The following MYH9 variants were observed in gnomAD, a reference collection of about 807,000 sequenced individuals.
The protein encoded by MYH9 is myosin heavy chain 9.
MYH9 carries 29 observed loss-of-function variants against 241.9 expected under a neutral mutation model. That is an observed-to-expected ratio of 0.12 (90% CI 0.09 to 0.16). The LOEUF (loss-of-function observed/expected upper bound fraction) is 0.16. Among genes scored for constraint, MYH9 ranks in the 10% least tolerant of loss-of-function variants. MYH9 has a pLI of 1.00. For missense variants in MYH9, 1,803 were observed against 2,595.5 expected (o/e 0.69, Z 6.63); for synonymous variants, 1,047 against 1,062.6 (o/e 0.99, Z 0.29).
intron 1 of MYH9, among the ~76,000 whole-genome samples, chr22:36,372,711 A>G (rs1053693454): frequency 6.6e-5 from 10 of 152,104 alleles, no homozygotes; most frequent in African/African-American, 2.2e-4. Flanking sequence ...TGCAACACAC[A>G]AGGGCAGCGG....
chr22:36,294,866 T>C, intron 27 of MYH9, 66 bp downstream of exon 27: 1 of 1,599,104 alleles, frequency 6.3e-7, no homozygotes, highest in South Asian at 1.1e-5. Context: ...CAGGACTGGT[T>C]TGGATTCTGT....
chr22:36,357,770 G>T (rs1316077148), intron 1 of MYH9, among the ~76,000 whole-genome samples: 1 of 152,152 alleles, frequency 6.6e-6, no homozygotes, highest in Non-Finnish European at 1.5e-5. Flanking sequence ...ATTATGGATG[G>T]CATTGTCACC....
chr22:36,361,500 A>G (rs557619227), intron 1 of MYH9, among the ~76,000 whole-genome samples: 3 of 152,222 alleles, frequency 2.0e-5, no homozygotes, highest in Non-Finnish European at 4.4e-5. Context: ...ACCAGTACGT[A>G]TTTCAAATCA....
chr22:36,288,182 C>T lies in MYH9; in HGVS notation c.4932+70G>A, dbSNP rs553136068. 8.8e-6 allele frequency: 14 copies of T among 1,596,144 alleles called. No individual in the cohort carries two copies. The South Asian group carries it at 1.4e-4, about 16-fold the overall frequency. Reference sequence around the variant, plus strand: ...CCAGGTTCCCGCCCTGGGCCGAGCCCTGGCACCTTCATATGTAGTTGGCTC... The same window carrying T: ...CCAGGTTCCCGCCCTGGGCCGAGCCTTGGCACCTTCATATGTAGTTGGCTC... On this transcript the variant is annotated intron_variant, in intron 34 of 40. Transcript: ENST00000216181. This position sits in a 1 kb window ranked among gnomAD's most constrained non-coding sequence, Gnocchi z 4.8.
chr22:36,304,902 C>T (rs1249897812), intron 18 of MYH9, 131 bp downstream of exon 18: 10 of 917,792 alleles, frequency 1.1e-5, no homozygotes, highest in Non-Finnish European at 1.6e-5. Context: ...GAGTCAGACG[C>T]GGAGCATCAG....
chr22:36,354,956 A>AACCCAC (rs1556643812), intron 1 of MYH9, among the ~76,000 whole-genome samples: 1 of 123,638 alleles, frequency 8.1e-6, no homozygotes, highest in Non-Finnish European at 1.7e-5. Context: ...CAAAAAACAA[A>AACCCAC]ACACACACAC....
intron 15 of MYH9, among the ~76,000 whole-genome samples, chr22:36,308,654 C>T (rs80084511): frequency 0.033 from 5,040 of 152,152 alleles, 120 homozygotes; most frequent in Non-Finnish European, 0.049. Flanking sequence ...GGGGAACCTG[C>T]CCAGAAGCCC....
intron 1 of MYH9, among the ~76,000 whole-genome samples, chr22:36,363,554 G>C (rs2017967305): frequency 1.3e-5 from 2 of 151,696 alleles, no homozygotes; most frequent in Admixed American, 1.3e-4. Flanking sequence ...ACAGACCTAG[G>C]GCTGGATCTG....
chr22:36,358,799 T>A (rs2017894615), intron 1 of MYH9, among the ~76,000 whole-genome samples: 1 of 152,160 alleles, frequency 6.6e-6, no homozygotes, highest in Admixed American at 6.5e-5. Context: ...ACTCACAAAT[T>A]CAAATTCCTA....
At chr22:36,378,235 C>T (rs1010658390) in intron 1 of MYH9, among the ~76,000 whole-genome samples, 1 of 151,948 alleles carries the variant, frequency 6.6e-6, no homozygotes. Flanking sequence ...TATCGCGCCA[C>T]CACATTCCAG....
chr22:36,375,955 C>CTTT (rs751350180), intron 1 of MYH9, among the ~76,000 whole-genome samples: 1,565 of 89,038 alleles, frequency 0.018, 13 homozygotes, highest in Non-Finnish European at 0.026. Context: ...TCAATAATTT[C>CTTT]TTTTTTTTTT....
chr22:36,318,832 C>T (rs2017203044), intron 10 of MYH9, among the ~76,000 whole-genome samples: 1 of 151,858 alleles, frequency 6.6e-6, no homozygotes, highest in Non-Finnish European at 1.5e-5. Context: ...GGCGCGATTT[C>T]GGCTCACTGC....
rs17806513 is a variant in MYH9 at position 36,304,340 on chromosome 22, G to A, written c.2230-185C>T. Among the ~76,000 whole-genome samples, 5,769 of 152,192 alleles carry A rather than the reference G, an allele frequency of 0.038. 213 individuals carry two copies. Among genetic ancestry groups the A allele is most frequent in the African/African-American group, 0.096 (3,992 of 41,514 alleles). ...GTTCCCTATCTCCCCGTCACCGAACGCAGGCTGTGCACACAGTAGGTGTTG... is the reference window on the plus strand; with the variant it reads ...GTTCCCTATCTCCCCGTCACCGAACACAGGCTGTGCACACAGTAGGTGTTG... On this transcript the variant is annotated intron_variant, in intron 18 of 40. Coordinates refer to ENST00000216181, the MANE Select transcript of MYH9 (RefSeq NM_002473.6).
chr22:36,349,355 T>A, intron 1 of MYH9, 100 bp from the exon 2 acceptor site: 2 of 867,638 alleles, frequency 2.3e-6, no homozygotes, highest in Non-Finnish European at 3.7e-6. Flanking sequence ...TGTATAGGAT[T>A]AAGACACAGT....
intron 9 of MYH9, chr22:36,319,886 A>G: frequency 1.6e-6 from 1 of 619,328 alleles, no homozygotes; most frequent in Non-Finnish European, 2.9e-6. Flanking sequence ...TCACCAGCAC[A>G]AAGCACCCAT....
chr22:36,331,478 G>C (rs1385281621), intron 3 of MYH9, among the ~76,000 whole-genome samples: 1 of 152,230 alleles, frequency 6.6e-6, no homozygotes, highest in Non-Finnish European at 1.5e-5. Context: ...GGTGTTTCCA[G>C]CCAGCTCAGC....
At chr22:36,366,284 G>A (rs1359009211) in intron 1 of MYH9, among the ~76,000 whole-genome samples, 2 of 152,050 alleles carry the variant, frequency 1.3e-5, no homozygotes, top group Non-Finnish European at 2.9e-5. Context: ...ACACCACCGT[G>A]ACTTATCTAC....
chr22:36,339,941 C>G (rs1324110349), intron 3 of MYH9, among the ~76,000 whole-genome samples: 4 of 152,154 alleles, frequency 2.6e-5, no homozygotes, highest in Non-Finnish European at 5.9e-5. Flanking sequence ...TGATGCAAAT[C>G]TAGCCCAGAT....
Position 36,300,826 on chromosome 22 carries a change from CTCCCCGGG to C in MYH9, c.2838+17_2838+24del. 4 of 1,599,194 alleles carry C rather than the reference CTCCCCGGG, an allele frequency of 2.5e-6. No homozygotes were observed. The African/African-American group carries it at 5.3e-5, about 21-fold the overall frequency. On this transcript the variant is annotated intron_variant, in intron 22 of 40. Coordinates refer to ENST00000216181, the MANE Select transcript of MYH9 (RefSeq NM_002473.6). This position sits in a 1 kb window ranked among gnomAD's most constrained non-coding sequence, Gnocchi z 5.0. ...CCGCCCTGCCCCTCCGGCGCCACCC[CTCCCCGGG>C]TGCAGCGGGCAGGAACCTGGATGTT...
Sources: allele counts gnomAD v4.1 joint callset (sites outside exome capture counted in the v4.1 genomes callset), GRCh38; gene constraint gnomAD v4.1.1; non-coding constraint Gnocchi (gnomAD v3.1); transcripts MANE v1.5; gene names NCBI Gene and HGNC (gene_info 2026-07-23, HGNC 2026-07-21).